Variants in ADRA1A observed in about 807,000 individuals in gnomAD.
ADRA1A encodes the protein alpha-1A adrenergic receptor.
ADRA1A carries 31 observed loss-of-function variants against 29.6 expected under a neutral mutation model. The ratio of observed to expected loss-of-function variants is 1.05; its 90% CI spans 0.79 to 1.41. ADRA1A has a LOEUF of 1.41. Ranked by LOEUF, ADRA1A falls within the 40% of genes most tolerant of loss-of-function variation. The probability of loss-of-function intolerance (pLI) is 0.00; values close to 1 mark genes in which losing one functional copy is unlikely to be tolerated. For synonymous variants in ADRA1A, 311 were observed against 254.3 expected, an observed-to-expected ratio of 1.22 and a Z score of -2.12; for missense variants, 619 against 601.1, an observed-to-expected ratio of 1.03 and a Z score of -0.31.
In ADRA1A at chr8:26,864,388, G is replaced by A. The variant is rs1209230105; in HGVS notation, c.582C>T (p.Tyr194=). The A allele has an allele frequency of 5.0e-6, 8 of 1,613,824 alleles. No individual in the cohort carries two copies. Among genetic ancestry groups the A allele is most frequent in the Non-Finnish European group, 6.8e-6 (8 of 1,180,022 alleles). Residue 194 remains tyrosine (Y), a synonymous_variant, in exon 2 of 3, where the codon TAC becomes TAT. Coordinates refer to ENST00000380573, the MANE Select transcript of ADRA1A (RefSeq NM_000680.4). The surrounding 1 kb of genome is among the most constrained non-coding windows in gnomAD (Gnocchi z 8.1). ...TGACCAGGATGATGGCCAGAGGCAG[G>A]TAGAAGGAGCCCAGCGCTGAGAAGA... The part of the protein sequence containing the change: ...YVLFSALGSF[Y]LPLAIILVMY...
intron 2 of ADRA1A, among the ~76,000 whole-genome samples, chr8:26,801,362 T>C (rs371276724): frequency 6.6e-6 from 1 of 152,118 alleles, no homozygotes; most frequent in South Asian, 2.1e-4. Flanking sequence ...TGATATAATC[T>C]TATGTTTGAA....
chr8:26,840,491 T>G (rs1205905293), intron 2 of ADRA1A, among the ~76,000 whole-genome samples: 1 of 152,114 alleles, frequency 6.6e-6, no homozygotes, highest in Non-Finnish European at 1.5e-5. Context: ...GACTTTGGTT[T>G]GGAAAGTAAA....
Position 26,864,816 on chromosome 8 carries a change from C to A in ADRA1A, c.154G>T (p.Ala52Ser), listed in dbSNP as rs1813778216. The change falls in exon 2 of 3, where the codon GCC becomes TCC. Residue 52 changes from alanine to serine, a missense_variant. By Grantham distance (99) the Ala-to-Ser change is moderately conservative. Transcript: ENST00000380573. This position sits in a 1 kb window ranked among gnomAD's most constrained non-coding sequence, Gnocchi z 8.1. The stretch of plus-strand genomic sequence containing the variant: ...ACTGAGTGCAGGTGTCGGTGACAGG[C>A]TACGGAGAGGATCACTAGGATGTTA... ...LGNILVILSV[A>S]CHRHLHSVTH... 3 of 1,614,130 alleles carry A rather than the reference C, an allele frequency of 1.9e-6. No homozygotes were observed. The highest frequency in any genetic ancestry group is 4.5e-5 in the East Asian group (2 of 44,850).
Position 26,860,448 on chromosome 8 carries a change from G to GA in ADRA1A, c.883+3638dup. ...GTATCCCTCAGCTGCTTAGCTCTTA[G>GA]AGAAAAACACACAACCCTCCTTCCC... is the stretch of plus-strand genomic sequence containing the variant. On this transcript the variant is annotated intron_variant, in intron 2 of 2. Coordinates refer to ENST00000380573, the MANE Select transcript of ADRA1A (RefSeq NM_000680.4). This position sits in a 1 kb window ranked among gnomAD's most constrained non-coding sequence, Gnocchi z 4.7. Among the ~76,000 whole-genome samples the GA allele has an allele frequency of 6.6e-6, 1 of 152,084 alleles. No individual in the cohort carries two copies. Among genetic ancestry groups the GA allele is most frequent in the East Asian group, 1.9e-4 (1 of 5,184 alleles).
chr8:26,755,502 C>T (rs1385958338), downstream of ADRA1A, among the ~76,000 whole-genome samples: 1 of 152,194 alleles, frequency 6.6e-6, no homozygotes, highest in Non-Finnish European at 1.5e-5. Context: ...TGTGCCCCGA[C>T]ATTTGGGAGG....
chr8:26,751,127 A>G (rs1804906007), intron 2 of ADRA1A, among the ~76,000 whole-genome samples: 1 of 151,868 alleles, frequency 6.6e-6, no homozygotes, highest in Admixed American at 6.6e-5. Flanking sequence ...CCTTCTAGGT[A>G]CAGTTTCTGC....
chr8:26,804,006 T>C (rs1808786699), intron 2 of ADRA1A, among the ~76,000 whole-genome samples: 1 of 143,874 alleles, frequency 7.0e-6, no homozygotes, highest in Non-Finnish European at 1.5e-5. Context: ...ACTGCAACCT[T>C]GAATTCCTGG....
Position 26,769,067 on chromosome 8 carries a change from T to A in ADRA1A, c.*1082A>T. On this transcript the variant is annotated 3_prime_UTR_variant, in exon 3 of 3. Coordinates refer to ENST00000380573, the MANE Select transcript of ADRA1A (RefSeq NM_000680.4). ...GAATAATGTACTTGGATCATAAGGC[T>A]CATTCCAACATGCCACAGGTGAAGC... 1.0e-6 allele frequency: 1 copy of A among 985,440 alleles called. No individual in the cohort carries two copies. The highest frequency in any genetic ancestry group is 1.2e-6 in the Non-Finnish European group (1 of 829,914). The allele number at this position is 985,440 out of a possible 1,614,324, so 61.0% of individuals were successfully genotyped here. A position where few individuals can be genotyped will look rare whatever the true frequency, so the allele number is the denominator to read the frequency against.
At chr8:26,804,131 A>G (rs1056570923) in intron 2 of ADRA1A, among the ~76,000 whole-genome samples, 63 of 152,078 alleles carry the variant, frequency 4.1e-4, no homozygotes, top group African/African-American at 1.5e-3. Flanking sequence ...TATGTTGTCC[A>G]GGCTGGTCTC....
Position 26,769,278 on chromosome 8 carries a change from G to C in ADRA1A, c.*871C>G, listed in dbSNP as rs571596193. On this transcript the variant is annotated 3_prime_UTR_variant, in exon 3 of 3. Coordinates refer to ENST00000380573, the MANE Select transcript of ADRA1A (RefSeq NM_000680.4). ...AAGTGAACAGCCTCTATCTTTGCAA[G>C]AAATTAACAGCCACACCAACCTCTT... 9.1e-6 allele frequency: 9 copies of C among 985,404 alleles called. No homozygotes were observed. The South Asian group carries it at 3.8e-4, about 41-fold the overall frequency. 61.0% of individuals were successfully genotyped at this position (985,404 alleles called of 1,614,324 possible).
At chr8:26,820,818 C>G (rs960289934) in intron 2 of ADRA1A, among the ~76,000 whole-genome samples, 3 of 152,176 alleles carry the variant, frequency 2.0e-5, no homozygotes, top group Non-Finnish European at 4.4e-5. Flanking sequence ...ATTGTAGATT[C>G]ATATATGGTT....
rs1811800574 is a variant in ADRA1A at position 26,841,313 on chromosome 8, C to G, written c.883+22774G>C. Among the ~76,000 whole-genome samples the G allele has an allele frequency of 6.6e-6, 1 of 152,156 alleles. No individual in the cohort carries two copies. The highest frequency in any genetic ancestry group is 1.5e-5 in the Non-Finnish European group (1 of 68,032). On this transcript the variant is annotated intron_variant, in intron 2 of 2. Transcript: ENST00000380573. This position sits in a 1 kb window ranked among gnomAD's most constrained non-coding sequence, Gnocchi z 4.4. ...CGTTCCAATCTCAGAGGACCACAGT[C>G]TCAAGGCCACCTACAGTTTCCTTTA...
intron 2 of ADRA1A, among the ~76,000 whole-genome samples, chr8:26,832,898 C>T (rs1811091686): frequency 6.6e-6 from 1 of 152,144 alleles, no homozygotes; most frequent in African/African-American, 2.4e-5. Context: ...TGTTGGCTGC[C>T]TGCAGGAAGA....
At position 26,815,747 on chromosome 8, in the gene ADRA1A, A is replaced by G. The variant is rs1038879628; in HGVS notation, c.884-45081T>C. Among the ~76,000 whole-genome samples, 6 of 152,220 alleles carry G rather than the reference A, an allele frequency of 3.9e-5. No homozygotes were observed. Among genetic ancestry groups the G allele is most frequent in the South Asian group, 2.1e-4 (1 of 4,832 alleles). ...AATGCAGCCAAAGCAATAATTGGAAATGTGCAGCCTCAAATATTTCTATCA... is the reference window on the plus strand; with the variant it reads ...AATGCAGCCAAAGCAATAATTGGAAGTGTGCAGCCTCAAATATTTCTATCA... On this transcript the variant is annotated intron_variant, in intron 2 of 2. Transcript: ENST00000380573. The surrounding 1 kb of genome is among the most constrained non-coding windows in gnomAD (Gnocchi z 4.2).
At chr8:26,766,104 TA>T, downstream of ADRA1A, 1 of 1,613,760 alleles carries the variant, frequency 6.2e-7, no homozygotes, top group Non-Finnish European at 8.5e-7. Flanking sequence ...ACATGCTTGA[TA>T]TGCTCTCTGC....
intron 2 of ADRA1A, among the ~76,000 whole-genome samples, chr8:26,803,642 G>A (rs1177269456): frequency 6.6e-6 from 1 of 152,042 alleles, no homozygotes; most frequent in Non-Finnish European, 1.5e-5. Flanking sequence ...ACAAAACACA[G>A]CCTACGAGAC....
intron 2 of ADRA1A, among the ~76,000 whole-genome samples, chr8:26,793,999 AAAAC>A (rs1209764983): frequency 6.6e-6 from 1 of 152,054 alleles, no homozygotes; most frequent in African/African-American, 2.4e-5. Flanking sequence ...CTGTCACCAC[AAAAC>A]AAACAATCCC....
At chr8:26,800,824 C>T (rs1469388486) in intron 2 of ADRA1A, among the ~76,000 whole-genome samples, 1 of 151,894 alleles carries the variant, frequency 6.6e-6, no homozygotes, top group Non-Finnish European at 1.5e-5. Context: ...TAAAAAACCC[C>T]AAAACAAAAT....
Position 26,864,431 on chromosome 8 carries a change from T to C in ADRA1A, c.539A>G (p.Glu180Gly), listed in dbSNP as rs754551028. Residue 180 changes from glutamate to glycine, a missense_variant, in exon 2 of 3, where the codon GAG becomes GGG. By Grantham distance (98) the Glu-to-Gly change is moderately conservative. Transcript: ENST00000380573. The surrounding 1 kb of genome is among the most constrained non-coding windows in gnomAD (Gnocchi z 8.1). ...PEDETICQIN[E>G]EPGYVLFSAL... ...TGAGAAGAGCACGTAGCCCGGCTCCTCGTTGATCTGGCAGATGGTCTCGTC... is the reference window on the plus strand; with the variant it reads ...TGAGAAGAGCACGTAGCCCGGCTCCCCGTTGATCTGGCAGATGGTCTCGTC... 1.2e-6 allele frequency: 2 copies of C among 1,613,520 alleles called. No homozygotes were observed. Among genetic ancestry groups the C allele is most frequent in the South Asian group, 2.2e-5 (2 of 91,082 alleles).
Sources: gnomAD v4.1 joint callset for allele counts (sites outside exome capture counted in the v4.1 genomes callset) on GRCh38, gnomAD v4.1.1 for gene constraint, Gnocchi (gnomAD v3.1) non-coding constraint, MANE v1.5 for transcripts, NCBI Gene and HGNC (gene_info 2026-07-23, HGNC 2026-07-21) for gene names.